SLC4A4: variants seen among roughly 807,000 people sequenced by gnomAD.
The protein encoded by SLC4A4 is electrogenic sodium bicarbonate cotransporter 1.
Under a neutral mutation model 111.5 loss-of-function variants are expected in SLC4A4, and 27 were observed. The observed-to-expected ratio is 0.24, with a 90% CI of 0.18 to 0.33. SLC4A4 has a LOEUF of 0.33. Among genes scored for constraint, SLC4A4 ranks in the 10% least tolerant of loss-of-function variants. SLC4A4 has a pLI of 1.00. For missense variants in SLC4A4, 909 were observed against 1,315.5 expected (o/e 0.69, Z 4.78); for synonymous variants, 443 against 463.4 (o/e 0.96, Z 0.57).
chr4:71,414,696 A>G (rs905015037), intron 7 of SLC4A4, among the ~76,000 whole-genome samples: 7 of 152,074 alleles, frequency 4.6e-5, no homozygotes, highest in Non-Finnish European at 7.4e-5. Flanking sequence ...TAGCCCCACA[A>G]TGTTTTTTCA....
intron 3 of SLC4A4, among the ~76,000 whole-genome samples, chr4:71,276,771 G>C (rs556850766): frequency 1.1e-4 from 16 of 152,268 alleles, no homozygotes; most frequent in African/African-American, 3.8e-4. Flanking sequence ...CTGCTGGCCA[G>C]GTGTGGTGGC....
chr4:71,116,666 G>T (rs999905367), intron 2 of SLC4A4, among the ~76,000 whole-genome samples: 1 of 152,210 alleles, frequency 6.6e-6, no homozygotes, highest in African/African-American at 2.4e-5. Flanking sequence ...CCTGTTGGCC[G>T]GACGTGGTGG....
intron 1 of SLC4A4, among the ~76,000 whole-genome samples, chr4:71,087,423 T>C (rs1742213827): frequency 6.6e-6 from 1 of 152,094 alleles, no homozygotes; most frequent in Non-Finnish European, 1.5e-5. Flanking sequence ...GCTCTGATCT[T>C]AGTTATTTCT....
At chr4:71,558,845 G>A (rs1736704201) in intron 22 of SLC4A4, among the ~76,000 whole-genome samples, 1 of 151,488 alleles carries the variant, frequency 6.6e-6, no homozygotes, top group African/African-American at 2.4e-5. Context: ...GGTGGCTTAT[G>A]TCTTTCTTTC....
chr4:71,327,763 T>C (rs1314550024), intron 3 of SLC4A4, among the ~76,000 whole-genome samples: 1 of 151,966 alleles, frequency 6.6e-6, no homozygotes, highest in Non-Finnish European at 1.5e-5. Flanking sequence ...AGGCAGACAG[T>C]GCATAATAAT....
At chr4:71,445,547 A>G (rs1453277028) in intron 8 of SLC4A4, among the ~76,000 whole-genome samples, 1 of 152,164 alleles carries the variant, frequency 6.6e-6, no homozygotes, top group Non-Finnish European at 1.5e-5. Context: ...AAGATAATAA[A>G]AATGGAAGCA....
chr4:71,481,604 T>C (rs13145451), intron 14 of SLC4A4, among the ~76,000 whole-genome samples: 11,655 of 151,806 alleles, frequency 0.077, 868 homozygotes, highest in East Asian at 0.43. Flanking sequence ...TGTTCCATTA[T>C]TGGAATGCTA....
chr4:71,067,260 GTT>G (rs754935905), intron 1 of SLC4A4, among the ~76,000 whole-genome samples: 1 of 147,432 alleles, frequency 6.8e-6, no homozygotes, highest in Non-Finnish European at 1.5e-5. Context: ...AAAGGAAAGA[GTT>G]TTTTTTTTTA....
intron 3 of SLC4A4, among the ~76,000 whole-genome samples, chr4:71,303,982 C>A (rs1725482219): frequency 6.6e-6 from 1 of 152,184 alleles, no homozygotes; most frequent in Admixed American, 6.5e-5. Flanking sequence ...ATCCCCATAA[C>A]AATTACTTGA....
At chr4:71,301,490 G>A (rs1291392299) in intron 3 of SLC4A4, among the ~76,000 whole-genome samples, 1 of 152,198 alleles carries the variant, frequency 6.6e-6, no homozygotes, top group East Asian at 1.9e-4. Flanking sequence ...AGGGAGGCAA[G>A]GATAAAGGCG....
intron 2 of SLC4A4, among the ~76,000 whole-genome samples, chr4:71,158,670 G>A (rs1744541219): frequency 6.6e-6 from 1 of 152,262 alleles, no homozygotes; most frequent in East Asian, 1.9e-4. Flanking sequence ...GTTGGCAGGC[G>A]CTTCTTCTAT....
At chr4:71,347,563 C>T (rs1560429443) in intron 4 of SLC4A4, among the ~76,000 whole-genome samples, 1 of 152,100 alleles carries the variant, frequency 6.6e-6, no homozygotes, top group Non-Finnish European at 1.5e-5. Context: ...TAATCACCTC[C>T]CAAAGGGCCC....
intron 3 of SLC4A4, among the ~76,000 whole-genome samples, chr4:71,336,575 G>A (rs1728450282): frequency 6.6e-6 from 1 of 152,018 alleles, no homozygotes; most frequent in African/African-American, 2.4e-5. Context: ...ATGATACAGA[G>A]CATGCATTTT....
At chr4:71,262,835 G>T (rs1481115761) in intron 3 of SLC4A4, among the ~76,000 whole-genome samples, 1 of 150,468 alleles carries the variant, frequency 6.6e-6, no homozygotes, top group African/African-American at 2.4e-5. Flanking sequence ...ATAGAAAAAT[G>T]ACCTTGTTTT....
chr4:71,430,047 A>T (rs1228545557), intron 7 of SLC4A4, among the ~76,000 whole-genome samples: 1 of 152,130 alleles, frequency 6.6e-6, no homozygotes, highest in Non-Finnish European at 1.5e-5. Flanking sequence ...TACTTGGAAA[A>T]GATAATGTGT....
chr4:71,555,463 G>A (rs112423121), intron 21 of SLC4A4, among the ~76,000 whole-genome samples: 2 of 151,812 alleles, frequency 1.3e-5, no homozygotes, highest in African/African-American at 4.8e-5. Context: ...GAAAGCAAGA[G>A]GCTATAATCT....
intron 2 of SLC4A4, among the ~76,000 whole-genome samples, chr4:71,170,715 A>T: frequency 6.6e-6 from 1 of 152,232 alleles, no homozygotes; most frequent in East Asian, 1.9e-4. Flanking sequence ...TTAGTGGAGG[A>T]TATAAGAAAC....
intron 1 of SLC4A4, among the ~76,000 whole-genome samples, chr4:71,212,123 A>G (rs1718173058): frequency 6.6e-6 from 1 of 152,194 alleles, no homozygotes; most frequent in South Asian, 2.1e-4. Context: ...GCCCTCAAAG[A>G]GTCATTCCAG....
intron 3 of SLC4A4, among the ~76,000 whole-genome samples, chr4:71,275,482 GGGTGAT>G (rs1723003272): frequency 6.6e-6 from 1 of 152,124 alleles, no homozygotes; most frequent in Non-Finnish European, 1.5e-5. Context: ...TGGTGACAGG[GGGTGAT>G]GGTTAAACGT....
Sources: gnomAD v4.1 joint callset for allele counts (sites outside exome capture counted in the v4.1 genomes callset) on GRCh38, gnomAD v4.1.1 for gene constraint, MANE v1.5 for transcripts, NCBI Gene and HGNC (gene_info 2026-07-23, HGNC 2026-07-21) for gene names.